VPS4A: variants seen among roughly 807,000 people sequenced by gnomAD.
VPS4A encodes the protein vacuolar protein sorting 4 homolog A, also known as vacuolar protein sorting-associated protein 4A.
A neutral mutation model predicts 52.3 loss-of-function variants in VPS4A; 20 were observed. The ratio of observed to expected loss-of-function variants is 0.38; its 90% CI spans 0.27 to 0.56. VPS4A has a LOEUF of 0.56. Ranked by LOEUF, VPS4A falls within the 20% of genes least tolerant of loss-of-function variation. VPS4A has a pLI of 0.72. For synonymous variants in VPS4A, 293 were observed against 227.7 expected, an observed-to-expected ratio of 1.29 and a Z score of -2.58; for missense variants, 419 against 575.9, an observed-to-expected ratio of 0.73 and a Z score of 2.79.
intron 4 of VPS4A, 55 bp downstream of exon 4, chr16:69,318,766 T>C: frequency 6.2e-7 from 1 of 1,612,982 alleles, no homozygotes; most frequent in South Asian, 1.1e-5. Context: ...GGTCCGCTGC[T>C]GGGTTGGCTC....
chr16:69,320,460 T>C lies in VPS4A; in HGVS notation c.769+171T>C. 1 of 1,001,430 alleles carries C rather than the reference T, an allele frequency of 1.0e-6. No individual in the cohort carries two copies. Among genetic ancestry groups the C allele is most frequent in the Non-Finnish European group, 1.4e-6 (1 of 693,874 alleles). 62.0% of individuals were successfully genotyped at this position (1,001,430 alleles called of 1,614,324 possible). ...CAATTCCCAAGAGGTGCCTGAGGCC[T>C]CTGCCTCACGGGCCACTCCACCCCT... is the stretch of plus-strand genomic sequence containing the variant. On this transcript the variant is annotated intron_variant, in intron 7 of 10. Coordinates refer to ENST00000254950, the MANE Select transcript of VPS4A (RefSeq NM_013245.3). This position sits in a 1 kb window ranked among gnomAD's most constrained non-coding sequence, Gnocchi z 4.2.
At chr16:69,323,729 C>A (rs555724099) in intron 10 of VPS4A, 34 of 450,256 alleles carry the variant, frequency 7.6e-5, no homozygotes, top group South Asian at 4.2e-4. Flanking sequence ...GCGGGCAGAT[C>A]GCCTGAGGTC....
In VPS4A at chr16:69,320,727, C is replaced by T; in HGVS notation, c.809C>T (p.Ala270Val). The part of the protein sequence containing the change: ...NNNDGTLVLG[A>V]TNIPWVLDSA... ...AATGATGGGACTCTGGTTCTTGGAG[C>T]CACAAACATCCCATGGGTGTTGGAT... The change falls in exon 8 of 11, where the codon GCC (alanine) becomes GTC (valine). Residue 270 changes from alanine to valine, a missense_variant. Around this residue, in one of 3 missense-constraint regions of VPS4A, gnomAD observed 103 missense variants for 210.3 expected, o/e 0.49. Coordinates refer to ENST00000254950, the MANE Select transcript of VPS4A (RefSeq NM_013245.3). This position sits in a 1 kb window ranked among gnomAD's most constrained non-coding sequence, Gnocchi z 4.2. 1 of 1,608,962 alleles carries T rather than the reference C, an allele frequency of 6.2e-7. No individual in the cohort carries two copies. Among genetic ancestry groups the T allele is most frequent in the Non-Finnish European group, 8.5e-7 (1 of 1,177,796 alleles).
intron 10 of VPS4A, chr16:69,323,847 G>C: frequency 2.7e-6 from 1 of 367,390 alleles, no homozygotes; most frequent in Non-Finnish European, 5.3e-6. Context: ...CTATTTGGGA[G>C]GCTGAGGCAG....
At chr16:69,319,275 CGTT>C in intron 5 of VPS4A, 109 bp from the exon 6 acceptor site, 1 of 1,461,760 alleles carries the variant, frequency 6.8e-7, no homozygotes, top group Non-Finnish European at 9.3e-7. Flanking sequence ...CAGTAGAGTC[CGTT>C]GTTTCACAGA....
intron 6 of VPS4A, among the ~76,000 whole-genome samples, chr16:69,319,896 G>T (rs573870976): frequency 5.9e-5 from 9 of 152,326 alleles, no homozygotes; most frequent in Admixed American, 3.3e-4. Flanking sequence ...CTGACGTGTT[G>T]TAAGTGCAGA....
rs1224072912 is a variant in VPS4A, at chr16:69,322,824, C to T, written c.1212+124C>T. 7 of 1,268,118 alleles carry T rather than the reference C, an allele frequency of 5.5e-6. No individual in the cohort carries two copies. The South Asian group carries it at 9.9e-5, about 18-fold the overall frequency. The allele number at this position is 1,268,118 out of a possible 1,614,324, so 78.6% of individuals were successfully genotyped here. A position where few individuals can be genotyped will look rare whatever the true frequency, so the allele number is the denominator to read the frequency against. On this transcript the variant is annotated intron_variant, in intron 10 of 10. Transcript: ENST00000254950. ...GTAGCTCACGCCTGTAATCCCAGCA[C>T]TTTGGGAGGCCAGGGTGGGCAGATC...
At position 69,318,910 on chromosome 16, in the gene VPS4A, T is replaced by C; in HGVS notation, c.431T>C (p.Ile144Thr). 2 of 1,613,626 alleles carry C rather than the reference T, an allele frequency of 1.2e-6. No individual in the cohort carries two copies. The highest frequency in any genetic ancestry group is 1.7e-6 in the Non-Finnish European group (2 of 1,179,782). The change falls in exon 5 of 11, where the codon ATT (isoleucine) becomes ACT (threonine). Residue 144 changes from isoleucine (I) to threonine (T), a missense_variant. Ile to Thr is a moderately conservative substitution (Grantham distance 89). Transcript: ENST00000254950. The part of the protein sequence containing the change: ...GAKEALKEAV[I>T]LPIKFPHLFT... The stretch of plus-strand genomic sequence containing the variant: ...AAGGAGGCCCTCAAAGAAGCTGTCA[T>C]TTTGCCAATCAAATTCCCACACTTG...
Position 69,320,326 on chromosome 16 carries a change from G to C in VPS4A, c.769+37G>C. ...GCCCAGGGCCCCCTTGGTTCTTGTT[G>C]CACCTGAAGCCAACCCTGGGCTTTA... On this transcript the variant is annotated intron_variant, in intron 7 of 10. Coordinates refer to ENST00000254950, the MANE Select transcript of VPS4A (RefSeq NM_013245.3). The surrounding 1 kb of genome is among the most constrained non-coding windows in gnomAD (Gnocchi z 4.2). 6.2e-7 allele frequency: 1 copy of C among 1,601,964 alleles called. No homozygotes were observed. The highest frequency in any genetic ancestry group is 8.5e-7 in the Non-Finnish European group (1 of 1,170,698).
rs925535944 is a variant in VPS4A, at chr16:69,311,384, C to T, written c.-128C>T. On this transcript the variant is annotated 5_prime_UTR_variant, in exon 1 of 11. Coordinates refer to ENST00000254950, the MANE Select transcript of VPS4A (RefSeq NM_013245.3). ...CTCGGCTCCCGCTGCGAGCGGCCGC[C>T]CTGCCCGCGCACCGCGCTCAGCGCC... 2.9e-5 allele frequency: 31 copies of T among 1,075,070 alleles called. No homozygotes were observed. Among genetic ancestry groups the T allele is most frequent in the South Asian group, 4.7e-5 (1 of 21,464 alleles). 66.6% of individuals were successfully genotyped at this position (1,075,070 alleles called of 1,614,324 possible).
chr16:69,315,227 G>A (rs1218830142), intron 1 of VPS4A, among the ~76,000 whole-genome samples: 3 of 152,126 alleles, frequency 2.0e-5, no homozygotes, highest in Non-Finnish European at 4.4e-5. Flanking sequence ...ATAAAACCAC[G>A]TAGGTGCTTT....
chr16:69,318,778 T>C (rs1965470672), intron 4 of VPS4A, 45 bp from the exon 5 acceptor site: 2 of 1,612,456 alleles, frequency 1.2e-6, no homozygotes, highest in Admixed American at 1.7e-5. Flanking sequence ...GGTTGGCTCA[T>C]GCCCCTTGGC....
At chr16:69,315,214 T>A (rs1965421644) in intron 1 of VPS4A, among the ~76,000 whole-genome samples, 1 of 152,016 alleles carries the variant, frequency 6.6e-6, no homozygotes, top group African/African-American at 2.4e-5. Context: ...ATAATAATAA[T>A]AAATAAAACC....
At chr16:69,319,079 TCCA>T (rs1444513685) in intron 5 of VPS4A, 137 bp downstream of exon 5, 2 of 1,292,346 alleles carry the variant, frequency 1.5e-6, no homozygotes, top group Non-Finnish European at 2.1e-6. Context: ...CTCGCTGGTG[TCCA>T]CAACACTGCT....
At chr16:69,314,466 C>A (rs1370158162) in intron 1 of VPS4A, among the ~76,000 whole-genome samples, 1 of 152,072 alleles carries the variant, frequency 6.6e-6, no homozygotes, top group Non-Finnish European at 1.5e-5. Context: ...AGGAGCGCTG[C>A]CTTCCTGTCT....
intron 5 of VPS4A, among the ~76,000 whole-genome samples, 181 bp from the exon 6 acceptor site, chr16:69,319,206 A>G (rs1965478585): frequency 6.6e-6 from 1 of 151,204 alleles, no homozygotes; most frequent in Admixed American, 6.6e-5. Context: ...GCACTGTGCA[A>G]GGTCATGGGG....
Position 69,320,533 on chromosome 16 carries a change from G to A in VPS4A, c.770-155G>A, listed in dbSNP as rs904497401. 8 of 819,036 alleles carry A rather than the reference G, an allele frequency of 9.8e-6. No homozygotes were observed. In the Admixed American group the frequency reaches 1.9e-4, roughly 20 times the overall value. 50.7% of individuals were successfully genotyped at this position (819,036 alleles called of 1,614,324 possible). ...GTCTCACCTGGCACAGCCAGACCAA[G>A]ATGTGGTTTAATCTCACTTGGGACC... On this transcript the variant is annotated intron_variant, in intron 7 of 10. Coordinates refer to ENST00000254950, the MANE Select transcript of VPS4A (RefSeq NM_013245.3). The surrounding 1 kb of genome is among the most constrained non-coding windows in gnomAD (Gnocchi z 4.2).
intron 5 of VPS4A, 130 bp downstream of exon 5, chr16:69,319,072 G>A (rs1965476207): frequency 2.4e-5 from 33 of 1,349,098 alleles, no homozygotes; most frequent in South Asian, 1.1e-4. Flanking sequence ...CTGGCTGCTC[G>A]CTGGTGTCCA....
At position 69,325,485 on chromosome 16, in the gene VPS4A, C is replaced by CA. The variant is rs1965579743; in HGVS notation, c.*1177dup. On this transcript the variant is annotated 3_prime_UTR_variant, in exon 11 of 11. Transcript: ENST00000254950. ...GCGCGGTGGCTCACGCCTGTAATCC[C>CA]AGCACTTTGGGAGGCCGACGCGGGC... 1 of 151,578 alleles carries CA rather than the reference C, an allele frequency of 6.6e-6. No homozygotes were observed. Among genetic ancestry groups the CA allele is most frequent in the African/African-American group, 2.4e-5 (1 of 41,116 alleles). 9.4% of individuals were successfully genotyped at this position (151,578 alleles called of 1,614,324 possible).
Sources: allele counts gnomAD v4.1 joint callset (sites outside exome capture counted in the v4.1 genomes callset), GRCh38; gene constraint gnomAD v4.1.1; regional missense constraint gnomAD v4.1.1; non-coding constraint Gnocchi (gnomAD v3.1); transcripts MANE v1.5; gene names NCBI Gene and HGNC (gene_info 2026-07-23, HGNC 2026-07-21).